DENND4A: variants seen among roughly 807,000 people sequenced by gnomAD.
DENND4A encodes C-myc promoter-binding protein.
In DENND4A, 70 loss-of-function variants were observed where a neutral mutation model predicts 199.3. The ratio of observed to expected loss-of-function variants is 0.35; its 90% CI spans 0.29 to 0.43. The LOEUF (loss-of-function observed/expected upper bound fraction) is 0.43, where lower values mean the gene tolerates loss of function less well. Among genes scored for constraint, DENND4A ranks in the 20% least tolerant of loss-of-function variants. The pLI, the probability that DENND4A is intolerant of heterozygous loss-of-function variation, is 1.00. For synonymous variants in DENND4A, 686 were observed against 766.9 expected (o/e 0.89, Z 1.74); for missense variants, 1,723 against 2,255.8 (o/e 0.76, Z 4.78).
At chr15:65,788,690 T>TA (rs2077633016) in intron 1 of DENND4A, among the ~76,000 whole-genome samples, 1 of 151,526 alleles carries the variant, frequency 6.6e-6, no homozygotes, top group African/African-American at 2.4e-5. Flanking sequence ...AAACCCCATC[T>TA]AAAAAAATAC....
chr15:65,752,281 CAAAAAAAAAA>C (rs61418354), intron 4 of DENND4A, 88 bp downstream of exon 4: 79 of 272,624 alleles, frequency 2.9e-4, no homozygotes, highest in South Asian at 1.7e-3. Flanking sequence ...TGCTGTTTTC[CAAAAAAAAAA>C]AAAAAAAAAA....
intron 30 of DENND4A, 147 bp from the exon 31 acceptor site, chr15:65,664,869 G>A: frequency 1.5e-6 from 1 of 685,014 alleles, no homozygotes; most frequent in African/African-American, 1.8e-5. Context: ...CAAGAATGAA[G>A]AAAGCAAAAA....
intron 1 of DENND4A, among the ~76,000 whole-genome samples, chr15:65,762,619 G>T (rs1185597066): frequency 3.3e-5 from 5 of 152,192 alleles, no homozygotes; most frequent in South Asian, 2.1e-4. Flanking sequence ...ACAGAGTAAA[G>T]CTCTATCTCC....
chr15:65,683,755 A>G (rs2076659865), intron 23 of DENND4A, among the ~76,000 whole-genome samples: 1 of 152,202 alleles, frequency 6.6e-6, no homozygotes, highest in African/African-American at 2.4e-5. Flanking sequence ...TTTTCATGTC[A>G]TAACATTCAC....
Position 65,731,728 on chromosome 15 carries a change from T to C in DENND4A, c.1108-28A>G, listed in dbSNP as rs377630566. ...GGAAGAAGATTTAAAATAAAGAATT[T>C]GAAACATAAAGATGAACTTTAAAAC... is the stretch of plus-strand genomic sequence containing the variant. On this transcript the variant is annotated intron_variant, in intron 8 of 32. Coordinates refer to ENST00000443035, the MANE Select transcript of DENND4A (RefSeq NM_001320835.1). 36 of 1,490,226 alleles carry C rather than the reference T, an allele frequency of 2.4e-5. 1 individual carries two copies. In the South Asian group the frequency reaches 3.1e-4, roughly 13 times the overall value. 92.3% of individuals were successfully genotyped at this position (1,490,226 alleles called of 1,614,324 possible).
intron 1 of DENND4A, among the ~76,000 whole-genome samples, chr15:65,781,335 A>AT (rs1383951050): frequency 1.3e-5 from 2 of 152,154 alleles, no homozygotes; most frequent in African/African-American, 4.8e-5. Flanking sequence ...TCAGTAAAGA[A>AT]TTTTCAGGTT....
intron 3 of DENND4A, among the ~76,000 whole-genome samples, chr15:65,755,821 T>C (rs1346046978): frequency 6.6e-6 from 1 of 152,196 alleles, no homozygotes; most frequent in Non-Finnish European, 1.5e-5. Context: ...AAAAGCCTTT[T>C]TTCGTACTTT....
intron 4 of DENND4A, among the ~76,000 whole-genome samples, chr15:65,742,822 G>A (rs2076294723): frequency 6.6e-6 from 1 of 152,064 alleles, no homozygotes; most frequent in Admixed American, 6.6e-5. Context: ...TGCTCAATGA[G>A]GGTAGGGATT....
At chr15:65,791,172 A>G (rs765190857) in intron 1 of DENND4A, among the ~76,000 whole-genome samples, 1 of 152,164 alleles carries the variant, frequency 6.6e-6, no homozygotes, top group Non-Finnish European at 1.5e-5. Flanking sequence ...ATGCCTGTTG[A>G]CTGATGCCTG....
intron 1 of DENND4A, among the ~76,000 whole-genome samples, chr15:65,774,560 T>C (rs766138525): frequency 4.0e-5 from 6 of 151,546 alleles, no homozygotes; most frequent in Non-Finnish European, 7.4e-5. Flanking sequence ...CCCAGCTACT[T>C]GGGAGGCTGA....
chr15:65,697,420 A>G, intron 20 of DENND4A, 37 bp from the exon 21 acceptor site: 1 of 1,331,884 alleles, frequency 7.5e-7, no homozygotes, highest in Non-Finnish European at 1.1e-6. Flanking sequence ...TCTATTAGAA[A>G]CTTCTTTAGT....
At chr15:65,772,991 T>C (rs764608959) in intron 1 of DENND4A, among the ~76,000 whole-genome samples, 26 of 137,140 alleles carry the variant, frequency 1.9e-4, no homozygotes, top group Non-Finnish European at 3.4e-4. Context: ...TCAATTTCTA[T>C]TGTTTCTAAG....
chr15:65,787,621 AATTT>A (rs1401006145), intron 1 of DENND4A, among the ~76,000 whole-genome samples: 2 of 152,180 alleles, frequency 1.3e-5, no homozygotes, highest in African/African-American at 4.8e-5. Context: ...ATGTTTCAAA[AATTT>A]ATTTGTAAAT....
chr15:65,729,797 G>C, intron 9 of DENND4A, 119 bp from the exon 10 acceptor site: 1 of 884,130 alleles, frequency 1.1e-6, no homozygotes, highest in South Asian at 2.1e-5. Context: ...GTTGATTAGG[G>C]TACAATTTGT....
At chr15:65,708,946 C>T (rs1596488057) in intron 14 of DENND4A, among the ~76,000 whole-genome samples, 5 of 152,262 alleles carry the variant, frequency 3.3e-5, no homozygotes, top group South Asian at 2.1e-4. Flanking sequence ...CAGTATTACC[C>T]GCTCCAGCTT....
intron 1 of DENND4A, among the ~76,000 whole-genome samples, chr15:65,765,609 CTG>C (rs544232887): frequency 2.6e-5 from 4 of 152,310 alleles, no homozygotes; most frequent in East Asian, 1.9e-4. Flanking sequence ...TTGTATTCAT[CTG>C]TGTGTGTGTT....
intron 28 of DENND4A, 74 bp from the exon 29 acceptor site, chr15:65,667,777 A>G (rs2076088668): frequency 1.3e-6 from 2 of 1,518,766 alleles, no homozygotes; most frequent in East Asian, 4.5e-5. Flanking sequence ...AATGATTCCC[A>G]TATGAGTAGA....
intron 2 of DENND4A, 93 bp from the exon 3 acceptor site, chr15:65,756,565 G>GAGC: frequency 1.2e-6 from 1 of 805,820 alleles, no homozygotes; most frequent in Non-Finnish European, 1.9e-6. Context: ...ACTACAAAAA[G>GAGC]AGCACTAGTT....
chr15:65,767,896 A>G (rs1403674758), intron 1 of DENND4A, among the ~76,000 whole-genome samples: 1 of 152,230 alleles, frequency 6.6e-6, no homozygotes, highest in African/African-American at 2.4e-5. Flanking sequence ...GACGAGAGAT[A>G]AAGGAGAATA....
Sources: allele counts gnomAD v4.1 joint callset (sites outside exome capture counted in the v4.1 genomes callset), GRCh38; gene constraint gnomAD v4.1.1; transcripts MANE v1.5; gene names NCBI Gene and HGNC (gene_info 2026-07-23, HGNC 2026-07-21).